HELZ: variants seen among roughly 807,000 people sequenced by gnomAD.
HELZ encodes ATP-dependent RNA helicase with zinc finger domain.
A neutral mutation model predicts 218.2 loss-of-function variants in HELZ; 23 were observed. That is an observed-to-expected ratio of 0.11 (90% CI 0.08 to 0.15). The LOEUF (loss-of-function observed/expected upper bound fraction) is 0.15, where lower values mean the gene tolerates loss of function less well. Among genes scored for constraint, HELZ ranks in the 10% least tolerant of loss-of-function variants. The probability of loss-of-function intolerance (pLI) is 1.00; values close to 1 mark genes in which losing one functional copy is unlikely to be tolerated. For synonymous variants in HELZ, 814 were observed against 829.4 expected, an observed-to-expected ratio of 0.98 and a Z score of 0.32; for missense variants, 1,813 against 2,353.7, an observed-to-expected ratio of 0.77 and a Z score of 4.75.
chr17:67,084,013 AAC>A (rs1457149966), intron 32 of HELZ, among the ~76,000 whole-genome samples: 61 of 152,352 alleles, frequency 4.0e-4, no homozygotes, highest in African/African-American at 1.3e-3. Flanking sequence ...ATATAATATA[AAC>A]AGTTTTCTTC....
chr17:67,226,437 T>C (rs575283489), intron 3 of HELZ, among the ~76,000 whole-genome samples: 1 of 152,152 alleles, frequency 6.6e-6, no homozygotes, highest in African/African-American at 2.4e-5. Context: ...AAATGCAAAC[T>C]AAAGCCATGA....
rs2037139741 is a variant in HELZ, at chr17:67,107,443, T to C, written c.4967A>G (p.Gln1656Arg). 1 of 1,614,046 alleles carries C rather than the reference T, an allele frequency of 6.2e-7. No individual in the cohort carries two copies. The highest frequency in any genetic ancestry group is 2.2e-5 in the East Asian group (1 of 44,896). ...NPAFPQRLPP[Q>R]IFNSPFSLPS... ...CAACGAGAAAGGTGAGTTGAATATC[T>C]GGGGTGGGAGGCGCTGTGGAAATGC... The change falls in exon 31 of 33, where the codon CAG (glutamine) becomes CGG (arginine). Residue 1656 changes from glutamine to arginine, a missense_variant. Transcript: ENST00000358691.
chr17:67,096,627 A>C (rs948093061), intron 31 of HELZ, among the ~76,000 whole-genome samples: 2 of 152,136 alleles, frequency 1.3e-5, no homozygotes, highest in African/African-American at 2.4e-5. Flanking sequence ...TCATGAACCA[A>C]CCTCTGCTAG....
chr17:67,167,511 A>G lies in HELZ; in HGVS notation c.1716T>C (p.Ser572=). 6.2e-7 allele frequency: 1 copy of G among 1,613,798 alleles called. No homozygotes were observed. The highest frequency in any genetic ancestry group is 1.7e-4 in the Middle Eastern group (1 of 6,060). Residue 572 remains serine (S), a synonymous_variant, in exon 14 of 33, where the codon TCT becomes TCC. Transcript: ENST00000358691. ...GATTAAGTTCTTCACAGCATTCCCT[A>G]GATAGCCTTAAAAATATATATTCCT... The part of the protein sequence containing the change: ...KTKEYIFLRL[S]RECCEELNLR...
At chr17:67,204,178 T>C (rs1299852561) in intron 5 of HELZ, among the ~76,000 whole-genome samples, 1 of 152,254 alleles carries the variant, frequency 6.6e-6, no homozygotes, top group Non-Finnish European at 1.5e-5. Context: ...TAAAATATTT[T>C]AGAAATTATT....
At chr17:67,181,149 TG>T (rs961652783) in intron 12 of HELZ, among the ~76,000 whole-genome samples, 10 of 152,246 alleles carry the variant, frequency 6.6e-5, no homozygotes, top group Admixed American at 5.2e-4. Context: ...TCTTTGGTGG[TG>T]GGGAGATTAT....
At chr17:67,212,649 G>A (rs1186707803) in intron 5 of HELZ, among the ~76,000 whole-genome samples, 1 of 152,100 alleles carries the variant, frequency 6.6e-6, no homozygotes, top group East Asian at 1.9e-4. Flanking sequence ...TACTGCTTTT[G>A]GATTTATTTA....
chr17:67,151,318 A>G, intron 17 of HELZ, 94 bp from the exon 18 acceptor site: 1 of 1,020,224 alleles, frequency 9.8e-7, no homozygotes, highest in Non-Finnish European at 1.5e-6. Flanking sequence ...TAAGATGGTA[A>G]TATCTGAAAA....
chr17:67,175,785 C>T (rs1045255051), intron 13 of HELZ, among the ~76,000 whole-genome samples: 5 of 152,122 alleles, frequency 3.3e-5, no homozygotes, highest in East Asian at 3.8e-4. Context: ...TTAGGCAGGT[C>T]GCAATAAATT....
intron 13 of HELZ, among the ~76,000 whole-genome samples, chr17:67,168,028 G>A (rs1008740956): frequency 6.6e-6 from 1 of 151,914 alleles, no homozygotes; most frequent in Non-Finnish European, 1.5e-5. Context: ...TGTCGCCTAG[G>A]CTGGAGTACA....
Position 67,188,123 on chromosome 17 carries a change from G to C in HELZ, c.1162+196C>G, listed in dbSNP as rs561793574. ...GAACCTCAAAGTTCAAGCTTTACCT[G>C]GTGGCTCTGTGAAGAAATCAGGGCA... On this transcript the variant is annotated intron_variant, in intron 12 of 32. Transcript: ENST00000358691. This position sits in a 1 kb window ranked among gnomAD's most constrained non-coding sequence, Gnocchi z 4.1. 9.6e-6 allele frequency: 5 copies of C among 520,124 alleles called. No individual in the cohort carries two copies. The highest frequency in any genetic ancestry group is 7.6e-5 in the African/African-American group (4 of 52,472). The allele number at this position is 520,124 out of a possible 1,614,324, so 32.2% of individuals were successfully genotyped here. A position where few individuals can be genotyped will look rare whatever the true frequency, so the allele number is the denominator to read the frequency against.
chr17:67,103,208 T>G (rs1598220996), intron 31 of HELZ, among the ~76,000 whole-genome samples: 1 of 152,282 alleles, frequency 6.6e-6, no homozygotes, highest in African/African-American at 2.4e-5. Context: ...TAATCCATTT[T>G]TTGGGAACCT....
chr17:67,238,251 T>G (rs916570123), intron 3 of HELZ, among the ~76,000 whole-genome samples: 1 of 132,634 alleles, frequency 7.5e-6, no homozygotes, highest in Non-Finnish European at 1.5e-5. Context: ...GAGGCTAAGG[T>G]AAGGAGAATC....
At chr17:67,119,854 C>A in intron 27 of HELZ, 2 of 357,410 alleles carry the variant, frequency 5.6e-6, no homozygotes, top group South Asian at 2.1e-5. Flanking sequence ...TTTTCAGAAA[C>A]TCAGTGACAC....
At position 67,189,641 on chromosome 17, in the gene HELZ, G is replaced by T; in HGVS notation, c.812C>A (p.Thr271Asn). ...KVEHNPDLSV[T>N]VSTKKSHQTW... ...CTGGTGGGATTTTTTGGTGCTGACA[G>T]TAACTGACAGGTCAGGATTGTGCTC... The change falls in exon 11 of 33, where the codon ACT (threonine) becomes AAT (asparagine). Residue 271 changes from threonine to asparagine, a missense_variant. By Grantham distance (65) the Thr-to-Asn change is moderately conservative. This residue lies in a region of HELZ where 714 missense variants were observed against 1,029.2 expected (regional missense o/e 0.69). Transcript: ENST00000358691. 6.2e-7 allele frequency: 1 copy of T among 1,613,760 alleles called. No individual in the cohort carries two copies. Among genetic ancestry groups the T allele is most frequent in the Non-Finnish European group, 8.5e-7 (1 of 1,179,720 alleles).
intron 28 of HELZ, among the ~76,000 whole-genome samples, chr17:67,110,793 T>C (rs1325134357): frequency 3.3e-5 from 5 of 152,344 alleles, no homozygotes; most frequent in Admixed American, 1.3e-4. Context: ...ACAGAGACCA[T>C]GTGGTCCCCA....
chr17:67,229,663 T>C (rs1042009700), intron 3 of HELZ, among the ~76,000 whole-genome samples: 16 of 152,220 alleles, frequency 1.1e-4, no homozygotes, highest in African/African-American at 3.1e-4. Flanking sequence ...CTGTACCAAA[T>C]TCAGTTCTCA....
rs774319238 is a variant in HELZ, at chr17:67,189,554, C to T, written c.864+35G>A. The T allele has an allele frequency of 8.1e-6, 11 of 1,365,604 alleles. No homozygotes were observed. The Admixed American group carries it at 2.0e-4, about 25-fold the overall frequency. 84.6% of individuals were successfully genotyped at this position (1,365,604 alleles called of 1,614,324 possible). On this transcript the variant is annotated intron_variant, in intron 11 of 32. Transcript: ENST00000358691. Reference sequence around the variant, plus strand: ...AAAAAAACGTTCAGAAAATTAAACACAACTTTTATGCTTTAACTAGCACAA... The same window carrying T: ...AAAAAAACGTTCAGAAAATTAAACATAACTTTTATGCTTTAACTAGCACAA...
chr17:67,103,351 TAAA>T (rs1414088915), intron 31 of HELZ, among the ~76,000 whole-genome samples: 1 of 152,094 alleles, frequency 6.6e-6, no homozygotes. Flanking sequence ...ATCTTCCATA[TAAA>T]AAAGCCTAAG....
Sources: gnomAD v4.1 joint callset for allele counts (sites outside exome capture counted in the v4.1 genomes callset) on GRCh38, gnomAD v4.1.1 for gene constraint, gnomAD v4.1.1 regional missense constraint, Gnocchi (gnomAD v3.1) non-coding constraint, MANE v1.5 for transcripts, NCBI Gene and HGNC (gene_info 2026-07-23, HGNC 2026-07-21) for gene names.